CTNNA2: variants seen among roughly 807,000 people sequenced by gnomAD.
The protein encoded by CTNNA2 is catenin alpha 2.
CTNNA2 carries 42 observed loss-of-function variants against 101.0 expected under a neutral mutation model. The ratio of observed to expected loss-of-function variants is 0.42; its 90% CI spans 0.32 to 0.54. The LOEUF is 0.54. Among genes scored for constraint, CTNNA2 ranks in the 20% least tolerant of loss-of-function variants. The pLI, the probability that CTNNA2 is intolerant of heterozygous loss-of-function variation, is 0.14. For missense variants in CTNNA2, 871 were observed against 1,223.1 expected, an observed-to-expected ratio of 0.71 and a Z score of 4.29; for synonymous variants, 450 against 456.4, an observed-to-expected ratio of 0.99 and a Z score of 0.18.
chr2:79,892,266 T>G (rs960628107), intron 6 of CTNNA2, among the ~76,000 whole-genome samples: 1 of 152,168 alleles, frequency 6.6e-6, no homozygotes, highest in Non-Finnish European at 1.5e-5. Flanking sequence ...TTTGCCTAGT[T>G]TAAGTATTAA....
chr2:79,587,623 TC>T (rs1676581303), intron 1 of CTNNA2, among the ~76,000 whole-genome samples: 1 of 152,200 alleles, frequency 6.6e-6, no homozygotes, highest in Non-Finnish European at 1.5e-5. Flanking sequence ...ACCATCATTT[TC>T]CATGCTCTGG....
chr2:79,257,719 A>G lies in CTNNA2; in HGVS notation c.-405-54990A>G, dbSNP rs112043030. On this transcript the variant is annotated intron_variant, in intron 2 of 21. Coordinates refer to the CTNNA2 transcript ENST00000466387. ...AGAGAAGGAATATGAAGGGACTCAA[A>G]TTGTTCTGAACTGTCACCGGGAGGC... is the stretch of plus-strand genomic sequence containing the variant. Among the ~76,000 whole-genome samples the G allele has an allele frequency of 9.9e-5, 15 of 152,180 alleles. 1 individual carries two copies. The highest frequency in any genetic ancestry group is 3.1e-4 in the African/African-American group (13 of 41,532).
Position 79,841,464 on chromosome 2 carries a change from G to A in CTNNA2, c.299-16549G>A, listed in dbSNP as rs189006836. Among the ~76,000 whole-genome samples the A allele has an allele frequency of 4.5e-4, 68 of 152,278 alleles. 1 individual carries two copies. The highest frequency in any genetic ancestry group is 3.9e-3 in the Admixed American group (59 of 15,302). On this transcript the variant is annotated intron_variant, in intron 3 of 18. Transcript: ENST00000402739. ...CCCAAGTTCTAACTGAAAAGGACTAGTAAATGATATCTAATTTTTAAGAAG... is the reference window on the plus strand; with the variant it reads ...CCCAAGTTCTAACTGAAAAGGACTAATAAATGATATCTAATTTTTAAGAAG...
At chr2:80,513,166 G>T (rs1573090397) in intron 9 of CTNNA2, among the ~76,000 whole-genome samples, 2 of 152,074 alleles carry the variant, frequency 1.3e-5, no homozygotes, top group African/African-American at 4.8e-5. Flanking sequence ...CACACCAGAG[G>T]GGGGTCCTAC....
intron 7 of CTNNA2, among the ~76,000 whole-genome samples, chr2:80,094,164 TC>T: frequency 6.6e-6 from 1 of 152,198 alleles, no homozygotes; most frequent in Non-Finnish European, 1.5e-5. Flanking sequence ...CTTTAATCCA[TC>T]TTGAATTAAT....
In CTNNA2 at chr2:79,338,645, A is replaced by ATTCTTCTTCTTCTT. The variant is rs1467280230; in HGVS notation, c.-318+25849_-318+25850insTTCTTCTTCTTCTT. 4.7e-3 allele frequency among the ~76,000 whole-genome samples: 255 copies of ATTCTTCTTCTTCTT among 53,890 alleles called. 2 individuals are homozygous for ATTCTTCTTCTTCTT. The highest frequency in any genetic ancestry group is 7.4e-3 in the Non-Finnish European group (184 of 24,710). 35.4% of individuals were successfully genotyped at this position (53,890 alleles called of 152,430 possible). A position where few individuals can be genotyped will look rare whatever the true frequency, so the allele number is the denominator to read the frequency against. The stretch of plus-strand genomic sequence containing the variant: ...TTCTTCTTCTTCTTCTTCTTCTTCA[A>ATTCTTCTTCTTCTT]AGATTCCTCTGGCTGCTCTGGATTA... On this transcript the variant is annotated intron_variant, in intron 3 of 21. Coordinates refer to the CTNNA2 transcript ENST00000466387.
chr2:80,333,064 T>C (rs1671477065), intron 7 of CTNNA2, among the ~76,000 whole-genome samples: 1 of 152,194 alleles, frequency 6.6e-6, no homozygotes, highest in Admixed American at 6.5e-5. Flanking sequence ...TGTCTATTCA[T>C]TAAAATAGAA....
intron 7 of CTNNA2, among the ~76,000 whole-genome samples, chr2:80,118,979 G>A (rs1701680970): frequency 1.3e-5 from 2 of 152,216 alleles, no homozygotes; most frequent in Non-Finnish European, 2.9e-5. Context: ...TAAAAACTGA[G>A]TTAAATGTGG....
rs1312626371 is a variant in CTNNA2 at position 79,282,828 on chromosome 2, A to G, written c.-405-29881A>G. 9.6e-5 allele frequency among the ~76,000 whole-genome samples: 10 copies of G among 104,156 alleles called. 1 individual carries two copies. Among genetic ancestry groups the G allele is most frequent in the Non-Finnish European group, 1.6e-4 (7 of 44,552 alleles). The allele number at this position is 104,156 out of a possible 152,430, so 68.3% of individuals were successfully genotyped here. A position where few individuals can be genotyped will look rare whatever the true frequency, so the allele number is the denominator to read the frequency against. On this transcript the variant is annotated intron_variant, in intron 2 of 21. Transcript: ENST00000466387. ...TCTAGTTCTAGATCCCTGAGGAATCACCACACTGACTTCCACAATGGTTGA... is the reference window on the plus strand; with the variant it reads ...TCTAGTTCTAGATCCCTGAGGAATCGCCACACTGACTTCCACAATGGTTGA...
At chr2:80,507,891 A>G (rs1222637608) in intron 9 of CTNNA2, among the ~76,000 whole-genome samples, 2 of 152,118 alleles carry the variant, frequency 1.3e-5, no homozygotes, top group Non-Finnish European at 2.9e-5. Flanking sequence ...ACTGGCATTG[A>G]TGGGTGATTA....
intron 9 of CTNNA2, among the ~76,000 whole-genome samples, chr2:80,502,317 A>G (rs1306778193): frequency 1.3e-5 from 2 of 152,174 alleles, no homozygotes; most frequent in African/African-American, 4.8e-5. Flanking sequence ...CTAATTTCAA[A>G]TGATTCCTGG....
chr2:80,063,008 G>A lies in CTNNA2; in HGVS notation c.1056+153211G>A, dbSNP rs1327636886. Among the ~76,000 whole-genome samples, 9 of 151,958 alleles carry A rather than the reference G, an allele frequency of 5.9e-5. No individual in the cohort carries two copies. In the South Asian group the frequency reaches 1.7e-3, roughly 28 times the overall value. ...GCGTGAGCCACCGCGCCCGGCCAAA[G>A]CACTGTGGCCCGGCCAAAGCACTGT... On this transcript the variant is annotated intron_variant, in intron 7 of 18. Coordinates refer to ENST00000402739, the MANE Select transcript of CTNNA2 (RefSeq NM_001282597.3).
chr2:79,731,511 G>A (rs1376099994), intron 2 of CTNNA2, among the ~76,000 whole-genome samples: 1 of 152,078 alleles, frequency 6.6e-6, no homozygotes, highest in East Asian at 1.9e-4. Context: ...GTGATAGCTT[G>A]TGGCTACCCA....
At chr2:80,156,636 A>G (rs1214065708) in intron 7 of CTNNA2, among the ~76,000 whole-genome samples, 1 of 152,204 alleles carries the variant, frequency 6.6e-6, no homozygotes, top group Non-Finnish European at 1.5e-5. Flanking sequence ...AATAGATTAG[A>G]GTCTCCTCAC....
At chr2:79,956,877 G>A (rs1255469462) in intron 7 of CTNNA2, among the ~76,000 whole-genome samples, 1 of 75,744 alleles carries the variant, frequency 1.3e-5, no homozygotes, top group African/African-American at 7.4e-5. Context: ...TTCAGTGTAT[G>A]AAGCTATTTA....
At chr2:80,122,132 T>TA (rs1158116523) in intron 7 of CTNNA2, among the ~76,000 whole-genome samples, 2 of 152,078 alleles carry the variant, frequency 1.3e-5, no homozygotes, top group Non-Finnish European at 1.5e-5. Context: ...TGTAAGGAAT[T>TA]ACGTGGCTCT....
At chr2:79,856,383 C>T (rs1364175418) in intron 3 of CTNNA2, among the ~76,000 whole-genome samples, 1 of 152,168 alleles carries the variant, frequency 6.6e-6, no homozygotes. Context: ...GGACTAATTA[C>T]AGGATGCACA....
chr2:80,270,228 G>A (rs1011092984), intron 7 of CTNNA2, among the ~76,000 whole-genome samples: 2 of 152,112 alleles, frequency 1.3e-5, no homozygotes, highest in Non-Finnish European at 2.9e-5. Flanking sequence ...ACCTGAGTTT[G>A]TGATTCCTCC....
At chr2:80,587,435 T>C (rs966599937) in intron 14 of CTNNA2, among the ~76,000 whole-genome samples, 3 of 152,200 alleles carry the variant, frequency 2.0e-5, no homozygotes, top group Admixed American at 6.5e-5. Flanking sequence ...TATACATGCT[T>C]ACTTTCATTT....
Sources: gnomAD v4.1 joint callset for allele counts (sites outside exome capture counted in the v4.1 genomes callset) on GRCh38, gnomAD v4.1.1 for gene constraint, MANE v1.5 for transcripts, NCBI Gene and HGNC (gene_info 2026-07-23, HGNC 2026-07-21) for gene names.